The following CSMD1 variants were observed in gnomAD, a reference collection of about 807,000 sequenced individuals.
CSMD1 encodes CUB and Sushi multiple domains 1.
CSMD1 carries 213 observed loss-of-function variants against 417.5 expected under a neutral mutation model. The observed-to-expected ratio is 0.51, with a 90% CI of 0.46 to 0.57. The LOEUF is 0.57. CSMD1 is among the 20% of genes least tolerant of loss of function. The pLI, the probability that CSMD1 is intolerant of heterozygous loss-of-function variation, is 0.00. For missense variants in CSMD1, 6,923 were observed against 4,529.7 expected (o/e 1.53, Z -15.17); for synonymous variants, 2,862 against 1,736.8 (o/e 1.65, Z -16.11).
chr8:3,947,667 G>T (rs575937668), intron 5 of CSMD1, among the ~76,000 whole-genome samples: 1 of 152,154 alleles, frequency 6.6e-6, no homozygotes, highest in Non-Finnish European at 1.5e-5. Context: ...TAATTATGTT[G>T]TGATAAGATA....
At chr8:3,798,260 T>C (rs1051302707) in intron 5 of CSMD1, among the ~76,000 whole-genome samples, 15 of 152,198 alleles carry the variant, frequency 9.9e-5, no homozygotes, top group Admixed American at 3.9e-4. Context: ...ATGGTACTTT[T>C]TAATAATATC....
chr8:3,679,383 T>A (rs1213365474), intron 7 of CSMD1, among the ~76,000 whole-genome samples: 1 of 152,074 alleles, frequency 6.6e-6, no homozygotes, highest in African/African-American at 2.4e-5. Context: ...GGGGTTGCAA[T>A]CCTAGTCTCT....
chr8:3,402,946 A>T lies in CSMD1; in HGVS notation c.2266+3081T>A, dbSNP rs2116884004. Among the ~76,000 whole-genome samples, 2 of 152,274 alleles carry T rather than the reference A, an allele frequency of 1.3e-5. 1 individual carries two copies. Among genetic ancestry groups the T allele is most frequent in the South Asian group, 4.1e-4 (2 of 4,830 alleles). ...CTTGAAACACAGGTTTTGCTGTCTC[A>T]CATTGTTTCTCATAGAAAGTACTGT... On this transcript the variant is annotated intron_variant, in intron 15 of 69. Coordinates refer to ENST00000635120, the MANE Select transcript of CSMD1 (RefSeq NM_033225.6).
chr8:3,945,910 A>G (rs1232723460), intron 5 of CSMD1, among the ~76,000 whole-genome samples: 1 of 152,154 alleles, frequency 6.6e-6, no homozygotes, highest in African/African-American at 2.4e-5. Flanking sequence ...TTCACTCAAG[A>G]CGTGGCTCCA....
At chr8:4,142,261 C>T (rs1348025353) in intron 3 of CSMD1, among the ~76,000 whole-genome samples, 3 of 151,116 alleles carry the variant, frequency 2.0e-5, no homozygotes, top group Non-Finnish European at 4.4e-5. Flanking sequence ...ACAGGGTTTT[C>T]CTTCTACTCT....
chr8:3,316,162 C>A (rs1025945753), intron 23 of CSMD1, among the ~76,000 whole-genome samples: 4 of 152,128 alleles, frequency 2.6e-5, no homozygotes, highest in African/African-American at 9.7e-5. Context: ...TTAAATACAT[C>A]CAGTTGGCAA....
At chr8:3,266,296 T>C (rs1801425966) in intron 26 of CSMD1, among the ~76,000 whole-genome samples, 1 of 151,266 alleles carries the variant, frequency 6.6e-6, no homozygotes, top group East Asian at 2.0e-4. Context: ...ACCACAGTTC[T>C]GCAAGGGGCC....
At chr8:3,360,752 T>C (rs1382307102) in intron 20 of CSMD1, among the ~76,000 whole-genome samples, 2 of 152,232 alleles carry the variant, frequency 1.3e-5, no homozygotes, top group African/African-American at 4.8e-5. Context: ...TAACACCATC[T>C]TTAGGGTTCC....
chr8:4,549,316 G>A lies in CSMD1; in HGVS notation c.302+88026C>T, dbSNP rs555783978. 2.6e-5 allele frequency among the ~76,000 whole-genome samples: 4 copies of A among 152,046 alleles called. No individual in the cohort carries two copies. In the East Asian group the frequency reaches 7.7e-4, roughly 29 times the overall value. On this transcript the variant is annotated intron_variant, in intron 2 of 69. Transcript: ENST00000635120. The stretch of plus-strand genomic sequence containing the variant: ...CTTGGAATGCGAGGGGAAGGAAAAG[G>A]GTAAAAGAAATTATTCCAGAAACAA...
intron 5 of CSMD1, 34 bp from the exon 6 acceptor site, chr8:3,754,076 G>C (rs1161199993): frequency 6.9e-7 from 1 of 1,443,840 alleles, no homozygotes; most frequent in Non-Finnish European, 9.7e-7. Context: ...AATCTCCCTT[G>C]TAAACCAACA....
At chr8:3,667,033 G>T (rs1445547715) in intron 7 of CSMD1, among the ~76,000 whole-genome samples, 1 of 152,138 alleles carries the variant, frequency 6.6e-6, no homozygotes, top group Non-Finnish European at 1.5e-5. Flanking sequence ...CAAGCTAGAA[G>T]TATGCTCAGA....
At chr8:4,655,451 G>T (rs1278734385) in intron 1 of CSMD1, among the ~76,000 whole-genome samples, 1 of 152,096 alleles carries the variant, frequency 6.6e-6, no homozygotes, top group Non-Finnish European at 1.5e-5. Flanking sequence ...TGAAGTTACA[G>T]ACATGGATTC....
intron 1 of CSMD1, among the ~76,000 whole-genome samples, chr8:4,743,759 G>GA (rs1810774689): frequency 6.6e-6 from 1 of 152,188 alleles, no homozygotes; most frequent in South Asian, 2.1e-4. Context: ...TACAGACCTT[G>GA]AAGTTTTGCC....
chr8:3,447,927 C>G (rs1294267084), intron 12 of CSMD1, among the ~76,000 whole-genome samples: 1 of 152,108 alleles, frequency 6.6e-6, no homozygotes, highest in Admixed American at 6.5e-5. Flanking sequence ...AAGCTATTTT[C>G]TCTGTCATTT....
At chr8:4,389,520 G>C (rs1011145355) in intron 3 of CSMD1, among the ~76,000 whole-genome samples, 6 of 152,046 alleles carry the variant, frequency 3.9e-5, no homozygotes, top group Non-Finnish European at 7.4e-5. Context: ...TAATATATCA[G>C]TCATATACTC....
intron 4 of CSMD1, among the ~76,000 whole-genome samples, chr8:4,022,689 G>GC (rs1796850321): frequency 6.6e-6 from 1 of 152,158 alleles, no homozygotes; most frequent in South Asian, 2.1e-4. Context: ...GGAAATGAAG[G>GC]CAAGTGGGAT....
chr8:3,477,823 C>T (rs937101351), intron 11 of CSMD1, among the ~76,000 whole-genome samples: 2 of 152,126 alleles, frequency 1.3e-5, no homozygotes, highest in African/African-American at 2.4e-5. Flanking sequence ...CAGCACCTAG[C>T]CGGGTTCCCA....
chr8:4,739,028 G>C (rs950190751), intron 1 of CSMD1, among the ~76,000 whole-genome samples: 2 of 151,914 alleles, frequency 1.3e-5, no homozygotes, highest in Non-Finnish European at 2.9e-5. Flanking sequence ...AAAAGTTAAA[G>C]GAATGTAGTG....
At chr8:4,123,955 G>C (rs911377167) in intron 3 of CSMD1, among the ~76,000 whole-genome samples, 1 of 151,956 alleles carries the variant, frequency 6.6e-6, no homozygotes, top group Non-Finnish European at 1.5e-5. Flanking sequence ...ACTCAAAAAA[G>C]CTGGAAAAAA....
Sources: allele counts gnomAD v4.1 joint callset (sites outside exome capture counted in the v4.1 genomes callset), GRCh38; gene constraint gnomAD v4.1.1; transcripts MANE v1.5; gene names NCBI Gene and HGNC (gene_info 2026-07-23, HGNC 2026-07-21).